The following MACROD2 variants were observed in gnomAD, a reference collection of about 807,000 sequenced individuals.
MACROD2 encodes mono-ADP ribosylhydrolase 2, also known as ADP-ribose glycohydrolase MACROD2.
A neutral mutation model predicts 70.4 loss-of-function variants in MACROD2; 36 were observed. The observed-to-expected ratio is 0.51, with a 90% CI of 0.39 to 0.68. The LOEUF is 0.68. Among genes scored for constraint, MACROD2 ranks in the 30% least tolerant of loss-of-function variants. The probability of loss-of-function intolerance (pLI) is 0.00; values close to 1 mark genes in which losing one functional copy is unlikely to be tolerated. For synonymous variants in MACROD2, 172 were observed against 178.8 expected (o/e 0.96, Z 0.30); for missense variants, 496 against 538.4 (o/e 0.92, Z 0.78).
At chr20:15,375,803 G>A (rs1362385338) in intron 6 of MACROD2, among the ~76,000 whole-genome samples, 1 of 152,016 alleles carries the variant, frequency 6.6e-6, no homozygotes, top group East Asian at 1.9e-4. Context: ...GCCTAAAAAG[G>A]GCTAGTTTTA....
At chr20:14,189,302 C>A (rs1601328594) in intron 3 of MACROD2, among the ~76,000 whole-genome samples, 1 of 151,986 alleles carries the variant, frequency 6.6e-6, no homozygotes, top group Admixed American at 6.6e-5. Context: ...CATAAGACAC[C>A]AAGCCTTAAA....
At chr20:15,201,163 G>A (rs2076652611) in intron 5 of MACROD2, among the ~76,000 whole-genome samples, 1 of 152,150 alleles carries the variant, frequency 6.6e-6, no homozygotes. Context: ...ATGGTGAGAT[G>A]AAACATGGGT....
chr20:15,095,630 G>A (rs1452896271), intron 5 of MACROD2, among the ~76,000 whole-genome samples: 1 of 151,942 alleles, frequency 6.6e-6, no homozygotes, highest in Non-Finnish European at 1.5e-5. Flanking sequence ...CCATTCTCCT[G>A]CCTCAGCCTC....
At chr20:15,244,316 A>C (rs2077086507) in intron 6 of MACROD2, among the ~76,000 whole-genome samples, 1 of 152,212 alleles carries the variant, frequency 6.6e-6, no homozygotes, top group African/African-American at 2.4e-5. Context: ...TGTCAGTGCT[A>C]TAAATATTAG....
chr20:15,198,205 C>A (rs1215266075), intron 5 of MACROD2, among the ~76,000 whole-genome samples: 1 of 152,050 alleles, frequency 6.6e-6, no homozygotes, highest in Admixed American at 6.6e-5. Flanking sequence ...GTGATCCACC[C>A]GCCTCAGCCT....
In MACROD2 at chr20:16,014,108, G is replaced by A. The variant is rs537882346; in HGVS notation, c.1153+26950G>A. 1.2e-4 allele frequency among the ~76,000 whole-genome samples: 19 copies of A among 152,328 alleles called. No homozygotes were observed. In the South Asian group the frequency reaches 2.5e-3, roughly 20 times the overall value. On this transcript the variant is annotated intron_variant, in intron 15 of 17. Transcript: ENST00000684519. ...TTCTTTTAGAATAGAAAGTGTCAGT[G>A]TTGGACTCTAGTCTTTGCTAAATTT...
intron 5 of MACROD2, among the ~76,000 whole-genome samples, chr20:15,173,338 A>G (rs912172320): frequency 6.6e-6 from 1 of 152,196 alleles, no homozygotes; most frequent in African/African-American, 2.4e-5. Flanking sequence ...AAACAGACCT[A>G]TGTAGTTAAA....
intron 8 of MACROD2, among the ~76,000 whole-genome samples, chr20:15,745,360 T>G (rs1366074644): frequency 1.3e-5 from 2 of 152,166 alleles, no homozygotes; most frequent in African/African-American, 2.4e-5. Context: ...CTAATTACTC[T>G]GAAGCCAAGC....
At chr20:15,665,326 T>C (rs754819286) in intron 8 of MACROD2, among the ~76,000 whole-genome samples, 1 of 152,190 alleles carries the variant, frequency 6.6e-6, no homozygotes, top group Non-Finnish European at 1.5e-5. Flanking sequence ...CAGTATATTG[T>C]AGTCGGTACC....
intron 12 of MACROD2, among the ~76,000 whole-genome samples, chr20:15,949,058 C>G (rs529098782): frequency 6.6e-6 from 1 of 152,262 alleles, no homozygotes; most frequent in South Asian, 2.1e-4. Flanking sequence ...TTCCTTGGGC[C>G]AAGCCATGAA....
chr20:15,917,988 C>T (rs146006809), intron 10 of MACROD2, among the ~76,000 whole-genome samples: 7 of 152,134 alleles, frequency 4.6e-5, no homozygotes, highest in African/African-American at 1.4e-4. Flanking sequence ...ATTGCTGACT[C>T]GAGGTCCTAC....
intron 5 of MACROD2, among the ~76,000 whole-genome samples, chr20:15,133,666 C>T (rs937074990): frequency 6.6e-6 from 1 of 151,968 alleles, no homozygotes; most frequent in Non-Finnish European, 1.5e-5. Flanking sequence ...AGGAATTTAC[C>T]CTCAGCAAAT....
intron 5 of MACROD2, among the ~76,000 whole-genome samples, chr20:15,203,264 G>C (rs551396500): frequency 6.6e-6 from 1 of 152,248 alleles, no homozygotes; most frequent in Non-Finnish European, 1.5e-5. Context: ...ACAAGAGACA[G>C]ATAACTTCCA....
chr20:15,689,700 A>G (rs1305560830), intron 8 of MACROD2, among the ~76,000 whole-genome samples: 1 of 152,150 alleles, frequency 6.6e-6, no homozygotes, highest in East Asian at 1.9e-4. Flanking sequence ...GACATTGGAG[A>G]GGCAGGCAGG....
intron 5 of MACROD2, among the ~76,000 whole-genome samples, chr20:14,711,048 G>A (rs934540802): frequency 1.3e-5 from 2 of 152,158 alleles, no homozygotes; most frequent in Non-Finnish European, 2.9e-5. Context: ...GAGAGAACAT[G>A]CAATCATTTT....
At chr20:16,048,371 C>T (rs2067412712) in intron 17 of MACROD2, among the ~76,000 whole-genome samples, 1 of 151,796 alleles carries the variant, frequency 6.6e-6, no homozygotes. Flanking sequence ...AAGAGCAACA[C>T]TAAATAATTA....
intron 3 of MACROD2, among the ~76,000 whole-genome samples, chr20:14,477,604 A>AAAAAATTTTTTTATAC (rs2084612003): frequency 6.6e-6 from 1 of 152,128 alleles, no homozygotes; most frequent in Non-Finnish European, 1.5e-5. Context: ...TGTTTTCAGA[A>AAAAAATTTTTTTATAC]TGATTTTTAT....
chr20:15,046,288 A>T (rs1340314158), intron 5 of MACROD2, among the ~76,000 whole-genome samples: 1 of 152,180 alleles, frequency 6.6e-6, no homozygotes, highest in Non-Finnish European at 1.5e-5. Context: ...TTCCCACATG[A>T]TGACTTCTAA....
At chr20:15,646,628 C>A (rs2049548575) in intron 8 of MACROD2, among the ~76,000 whole-genome samples, 1 of 152,084 alleles carries the variant, frequency 6.6e-6, no homozygotes, top group Non-Finnish European at 1.5e-5. Context: ...GAGGGAGAGA[C>A]CAGGTGGAGG....
Sources: gnomAD v4.1 joint callset for allele counts (sites outside exome capture counted in the v4.1 genomes callset) on GRCh38, gnomAD v4.1.1 for gene constraint, MANE v1.5 for transcripts, NCBI Gene and HGNC (gene_info 2026-07-23, HGNC 2026-07-21) for gene names.